The following ARHGAP22 variants were observed in gnomAD, a reference collection of about 807,000 sequenced individuals.
ARHGAP22 encodes the protein rho GTPase-activating protein 22.
ARHGAP22 carries 48 observed loss-of-function variants against 59.1 expected under a neutral mutation model. That is an observed-to-expected ratio of 0.81 (90% CI 0.64 to 1.03). The LOEUF (loss-of-function observed/expected upper bound fraction) is 1.03, where lower values mean the gene tolerates loss of function less well. Among genes scored for constraint, ARHGAP22 ranks in the 50% least tolerant of loss-of-function variants. ARHGAP22 has a pLI of 0.00. For missense variants in ARHGAP22, 1,015 were observed against 958.7 expected, an observed-to-expected ratio of 1.06 and a Z score of -0.78; for synonymous variants, 445 against 416.4, an observed-to-expected ratio of 1.07 and a Z score of -0.84.
chr10:48,430,493 A>G, the ARHGAP22 span: 4 of 152,294 alleles, frequency 2.6e-5, no homozygotes, highest in Non-Finnish European at 4.4e-5. Context: ...ATAAGACAGG[A>G]GGCGCATATA....
At chr10:48,534,228 T>C (rs1320401143) in intron 3 of ARHGAP22, among the ~76,000 whole-genome samples, 1 of 152,194 alleles carries the variant, frequency 6.6e-6, no homozygotes, top group Admixed American at 6.5e-5. Context: ...AGGGGAATCG[T>C]TGGGGAGAAA....
At chr10:48,574,564 G>GCCC (rs1440724521) in intron 2 of ARHGAP22, 1 of 152,264 alleles carries the variant, frequency 6.6e-6, no homozygotes, top group African/African-American at 2.4e-5. Flanking sequence ...AGGTCCAGAA[G>GCCC]TGAAGGGCAT....
In ARHGAP22 at chr10:48,467,939, T is replaced by C. The variant is rs560746417; in HGVS notation, c.452-8048A>G. On this transcript the variant is annotated intron_variant, in intron 4 of 9. Coordinates refer to ENST00000249601, the MANE Select transcript of ARHGAP22 (RefSeq NM_021226.4). Reference sequence around the variant, plus strand: ...CCTCTTGCTCATTCTAGGCAGAGCCTGGCCTAGGGTGAAACAAGCCAGGCA... The same window carrying C: ...CCTCTTGCTCATTCTAGGCAGAGCCCGGCCTAGGGTGAAACAAGCCAGGCA... Among the ~76,000 whole-genome samples the C allele has an allele frequency of 3.9e-5, 6 of 152,304 alleles. No individual in the cohort carries two copies. The South Asian group carries it at 1.2e-3, about 32-fold the overall frequency.
the ARHGAP22 span, among the ~76,000 whole-genome samples, chr10:48,439,811 C>T: frequency 4.6e-5 from 7 of 152,174 alleles, no homozygotes; most frequent in Admixed American, 6.5e-5. Context: ...CCTTCCCAGC[C>T]ACTGTAATGA....
At chr10:48,637,068 A>G (rs911112563) in intron 1 of ARHGAP22, among the ~76,000 whole-genome samples, 47 of 152,254 alleles carry the variant, frequency 3.1e-4, no homozygotes, top group African/African-American at 1.1e-3. Context: ...CTGCATACAC[A>G]TTGCTGCCAT....
intron 2 of ARHGAP22, among the ~76,000 whole-genome samples, chr10:48,566,290 CG>C: frequency 6.6e-6 from 1 of 152,206 alleles, no homozygotes. Flanking sequence ...TCTTAAAAAC[CG>C]TTATCCACCT....
chr10:48,634,935 A>C (rs886427524), intron 1 of ARHGAP22, among the ~76,000 whole-genome samples: 1 of 152,202 alleles, frequency 6.6e-6, no homozygotes, highest in Non-Finnish European at 1.5e-5. Flanking sequence ...GAAGAAGGTG[A>C]TATTTACAAG....
chr10:48,539,309 T>TTTTTTTTTA (rs1590039873), intron 3 of ARHGAP22, among the ~76,000 whole-genome samples: 9 of 148,244 alleles, frequency 6.1e-5, no homozygotes, highest in South Asian at 2.2e-4. Context: ...TTTTTTTTTT[T>TTTTTTTTTA]GAGACGGAGT....
intron 2 of ARHGAP22, among the ~76,000 whole-genome samples, chr10:48,575,921 T>C (rs2058682222): frequency 6.6e-6 from 1 of 152,224 alleles, no homozygotes; most frequent in Non-Finnish European, 1.5e-5. Flanking sequence ...GCTTCCAGCC[T>C]GGTCCTGGTC....
chr10:48,571,128 C>T (rs1308406692), intron 2 of ARHGAP22, among the ~76,000 whole-genome samples: 2 of 152,202 alleles, frequency 1.3e-5, no homozygotes, highest in Non-Finnish European at 2.9e-5. Context: ...TTCTGGCCAA[C>T]TTGCTACCCA....
intron 3 of ARHGAP22, among the ~76,000 whole-genome samples, chr10:48,530,099 T>G (rs555263717): frequency 6.6e-6 from 1 of 152,154 alleles, no homozygotes; most frequent in South Asian, 2.1e-4. Context: ...TAGCCAGGCA[T>G]GGTGGTGGTC....
intron 9 of ARHGAP22, among the ~76,000 whole-genome samples, chr10:48,449,204 A>G (rs2045653838): frequency 6.6e-6 from 1 of 152,178 alleles, no homozygotes; most frequent in Admixed American, 6.5e-5. Flanking sequence ...ATCTTCTACT[A>G]TATTTCTGGA....
intron 3 of ARHGAP22, among the ~76,000 whole-genome samples, chr10:48,531,637 T>G (rs1294124607): frequency 6.6e-6 from 1 of 152,026 alleles, no homozygotes; most frequent in Non-Finnish European, 1.5e-5. Flanking sequence ...CATCATTATT[T>G]CCACTTGCAA....
chr10:48,589,626 A>G (rs1369909536), intron 1 of ARHGAP22, among the ~76,000 whole-genome samples: 1 of 152,180 alleles, frequency 6.6e-6, no homozygotes, highest in Non-Finnish European at 1.5e-5. Flanking sequence ...TTGTTCAGAC[A>G]AATCCCTCCC....
At chr10:48,519,371 C>A (rs1449086168) in intron 3 of ARHGAP22, among the ~76,000 whole-genome samples, 1 of 152,228 alleles carries the variant, frequency 6.6e-6, no homozygotes, top group Admixed American at 6.5e-5. Context: ...TATACTCTGT[C>A]CACCAGCAAA....
At chr10:48,458,193 T>A (rs975730543) in intron 5 of ARHGAP22, among the ~76,000 whole-genome samples, 24 of 151,958 alleles carry the variant, frequency 1.6e-4, no homozygotes, top group African/African-American at 5.6e-4. Context: ...ACCATGGAGA[T>A]GGCCCTCCTG....
chr10:48,450,513 G>A lies in ARHGAP22; in HGVS notation c.1616C>T (p.Ala539Val), dbSNP rs749862723. ...CTACRASDSS[A>V]RSSLHTDWAL... Reference sequence around the variant, plus strand: ...CCAGTCGGTGTGCAGGGAACTGCGGGCAGACGAGTCGCTGGCGCGGCAGGC... The same window carrying A: ...CCAGTCGGTGTGCAGGGAACTGCGGACAGACGAGTCGCTGGCGCGGCAGGC... The change falls in exon 9 of 10, where the codon GCC becomes GTC. Residue 539 changes from alanine to valine, a missense_variant. Ala to Val is a moderately conservative substitution (Grantham distance 64). Coordinates refer to ENST00000249601, the MANE Select transcript of ARHGAP22 (RefSeq NM_021226.4). 3 of 1,527,298 alleles carry A rather than the reference G, an allele frequency of 2.0e-6. No individual in the cohort carries two copies. Among genetic ancestry groups the A allele is most frequent in the Non-Finnish European group, 2.6e-6 (3 of 1,137,316 alleles). The allele number at this position is 1,527,298 out of a possible 1,614,324, so 94.6% of individuals were successfully genotyped here.
At chr10:48,543,299 G>A (rs2056135843) in intron 3 of ARHGAP22, among the ~76,000 whole-genome samples, 1 of 152,134 alleles carries the variant, frequency 6.6e-6, no homozygotes, top group Non-Finnish European at 1.5e-5. Context: ...GCTCCTCACT[G>A]CCTTGGGGAC....
chr10:48,463,276 T>C (rs1302717290), intron 4 of ARHGAP22, among the ~76,000 whole-genome samples: 1 of 152,218 alleles, frequency 6.6e-6, no homozygotes, highest in Non-Finnish European at 1.5e-5. Context: ...TGACAGGTAT[T>C]CGTTCACCTC....
Sources: allele counts gnomAD v4.1 joint callset (sites outside exome capture counted in the v4.1 genomes callset), GRCh38; gene constraint gnomAD v4.1.1; transcripts MANE v1.5; gene names NCBI Gene and HGNC (gene_info 2026-07-23, HGNC 2026-07-21).